Variants in MSH3 observed in about 807,000 individuals in gnomAD.
MSH3 encodes DNA mismatch repair protein Msh3.
A neutral mutation model predicts 123.3 loss-of-function variants in MSH3; 106 were observed. The ratio of observed to expected loss-of-function variants is 0.86; its 90% CI spans 0.73 to 1.01. The LOEUF (loss-of-function observed/expected upper bound fraction) is 1.01, where lower values mean the gene tolerates loss of function less well. MSH3 is among the 50% of genes least tolerant of loss of function. The pLI is 0.00. For missense variants in MSH3, 1,459 were observed against 1,347.6 expected, an observed-to-expected ratio of 1.08 and a Z score of -1.29; for synonymous variants, 515 against 481.4, an observed-to-expected ratio of 1.07 and a Z score of -0.91.
chr5:80,748,487 G>GT, intron 12 of MSH3, among the ~76,000 whole-genome samples: 1 of 152,132 alleles, frequency 6.6e-6, no homozygotes, highest in East Asian at 1.9e-4. Flanking sequence ...TTTTTCTTAT[G>GT]TGTTCTCACC....
intron 20 of MSH3, among the ~76,000 whole-genome samples, chr5:80,849,341 G>A (rs186374758): frequency 7.2e-5 from 11 of 152,256 alleles, no homozygotes; most frequent in African/African-American, 2.2e-4. Flanking sequence ...CTGGAGGACT[G>A]TGGCCTTCTT....
At chr5:80,761,802 CGA>C in intron 13 of MSH3, 124 bp downstream of exon 13, 1 of 1,047,372 alleles carries the variant, frequency 9.5e-7, no homozygotes, top group South Asian at 1.4e-5. Context: ...AAATAGCATG[CGA>C]GAGTAGCTGA....
chr5:80,860,447 T>TG (rs750047605), intron 21 of MSH3, among the ~76,000 whole-genome samples: 73 of 151,534 alleles, frequency 4.8e-4, no homozygotes, highest in Non-Finnish European at 8.7e-4. Flanking sequence ...TTTGTTGTTT[T>TG]TTTTTTTTTT....
Position 80,866,823 on chromosome 5 carries a change from C to T in MSH3, c.3130+1881C>T, listed in dbSNP as rs200664763. Among the ~76,000 whole-genome samples the T allele has an allele frequency of 2.2e-4, 33 of 152,254 alleles. No homozygotes were observed. The East Asian group carries it at 6.0e-3, about 28-fold the overall frequency. On this transcript the variant is annotated intron_variant, in intron 22 of 23. Transcript: ENST00000265081. ...ACAAGTACATTTCTTTCTTTTACAA[C>T]GTTTTCTATTTTCTCAAAAATAAGA...
At chr5:80,707,709 G>A (rs575315428) in intron 8 of MSH3, among the ~76,000 whole-genome samples, 2 of 152,308 alleles carry the variant, frequency 1.3e-5, no homozygotes, top group South Asian at 2.1e-4. Flanking sequence ...TCCAGCCTGG[G>A]TGACAGAACA....
At chr5:80,668,029 T>C (rs1000682033) in intron 3 of MSH3, among the ~76,000 whole-genome samples, 5 of 152,166 alleles carry the variant, frequency 3.3e-5, no homozygotes, top group Non-Finnish European at 7.3e-5. Flanking sequence ...AGGGGCTTCC[T>C]TGAGTGACAG....
At position 80,743,681 on chromosome 5, in the gene MSH3, A is replaced by G. The variant is rs1415828030; in HGVS notation, c.1654-825A>G. ...AACACGGTGAAACCCCGTCTCTACT[A>G]AAAATACAAAAAATTAGCCGGGCGT... On this transcript the variant is annotated intron_variant, in intron 11 of 23. Coordinates refer to ENST00000265081, the MANE Select transcript of MSH3 (RefSeq NM_002439.5). 4.3e-5 allele frequency among the ~76,000 whole-genome samples: 2 copies of G among 46,012 alleles called. 1 individual carries two copies. Among genetic ancestry groups the G allele is most frequent in the African/African-American group, 1.7e-4 (2 of 11,768 alleles). The allele number at this position is 46,012 out of a possible 152,430, so 30.2% of individuals were successfully genotyped here. A position where few individuals can be genotyped will look rare whatever the true frequency, so the allele number is the denominator to read the frequency against.
At chr5:80,707,765 A>C (rs991862812) in intron 8 of MSH3, among the ~76,000 whole-genome samples, 70 of 152,170 alleles carry the variant, frequency 4.6e-4, no homozygotes, top group African/African-American at 1.6e-3. Flanking sequence ...CAGCTGAAGT[A>C]GGTTTTGGAG....
intron 3 of MSH3, among the ~76,000 whole-genome samples, chr5:80,669,890 T>C (rs948249377): frequency 5.3e-5 from 8 of 152,204 alleles, no homozygotes; most frequent in Non-Finnish European, 7.3e-5. Context: ...TATGATAGCT[T>C]ACTTGGTTCA....
chr5:80,657,652 A>G (rs80106548), intron 2 of MSH3, among the ~76,000 whole-genome samples: 13 of 81,924 alleles, frequency 1.6e-4, no homozygotes, highest in Non-Finnish European at 3.6e-4. Context: ...AGAGAATGAG[A>G]AAAAAAAAAA....
intron 8 of MSH3, among the ~76,000 whole-genome samples, chr5:80,712,737 C>T (rs1464232754): frequency 6.7e-6 from 1 of 149,636 alleles, no homozygotes; most frequent in Admixed American, 6.7e-5. Flanking sequence ...TTTAAATAAT[C>T]TTTCACGATG....
intron 20 of MSH3, among the ~76,000 whole-genome samples, chr5:80,820,804 C>A (rs78881621): frequency 1.8e-3 from 273 of 152,332 alleles, no homozygotes; most frequent in African/African-American, 6.2e-3. Flanking sequence ...CAGGAAAGAG[C>A]AAAAGTTCCA....
At chr5:80,719,351 A>T (rs1433650611) in intron 8 of MSH3, among the ~76,000 whole-genome samples, 1 of 152,112 alleles carries the variant, frequency 6.6e-6, no homozygotes, top group Non-Finnish European at 1.5e-5. Flanking sequence ...CGGCCAGGAA[A>T]TGGTATTTCT....
intron 8 of MSH3, among the ~76,000 whole-genome samples, chr5:80,689,721 T>G (rs1480583858): frequency 1.3e-5 from 2 of 152,006 alleles, no homozygotes; most frequent in Admixed American, 6.5e-5. Context: ...AGTTCTTTTT[T>G]TTTTTTTTTG....
intron 8 of MSH3, among the ~76,000 whole-genome samples, chr5:80,713,793 A>T (rs1008970944): frequency 4.3e-5 from 3 of 69,560 alleles, no homozygotes; most frequent in African/African-American, 2.2e-4. Context: ...GTCGCCTGCT[A>T]TTCTTAAGTC....
chr5:80,654,948 A>G lies in MSH3; in HGVS notation c.221A>G (p.Gln74Arg), dbSNP rs1440495979. 1 of 1,470,220 alleles carries G rather than the reference A, an allele frequency of 6.8e-7. No individual in the cohort carries two copies. Among genetic ancestry groups the G allele is most frequent in the Non-Finnish European group, 9.0e-7 (1 of 1,114,114 alleles). 91.1% of individuals were successfully genotyped at this position (1,470,220 alleles called of 1,614,324 possible). ...CCCCCAGCTCCCGCCTTCCCGCCCC[A>G]GCTGCCGCCGCACATAGTAGGTTCT... ...PAPPAPAFPP[Q>R]LPPHIATEID... Residue 74 changes from glutamine (Q) to arginine (R), a missense_variant, in exon 1 of 24, where the codon CAG (glutamine) becomes CGG (arginine). By Grantham distance (43) the Gln-to-Arg change is conservative (BLOSUM62 1). Coordinates refer to ENST00000265081, the MANE Select transcript of MSH3 (RefSeq NM_002439.5).
intron 20 of MSH3, among the ~76,000 whole-genome samples, chr5:80,823,557 T>G (rs1341618770): frequency 6.6e-6 from 1 of 152,212 alleles, no homozygotes; most frequent in Middle Eastern, 3.2e-3. Context: ...ACAAGATTCA[T>G]GTATTTAATT....
chr5:80,664,527 G>A (rs1580546177), intron 2 of MSH3, among the ~76,000 whole-genome samples: 1 of 152,158 alleles, frequency 6.6e-6, no homozygotes, highest in African/African-American at 2.4e-5. Flanking sequence ...AACTGTGCTT[G>A]TTTTGCCTTT....
At chr5:80,727,935 A>G (rs6151731) in intron 9 of MSH3, among the ~76,000 whole-genome samples, 1 of 152,118 alleles carries the variant, frequency 6.6e-6, no homozygotes, top group Admixed American at 6.5e-5. Context: ...CCATATAGAC[A>G]TATGAAGGAA....
Sources: gnomAD v4.1 joint callset for allele counts (sites outside exome capture counted in the v4.1 genomes callset) on GRCh38, gnomAD v4.1.1 for gene constraint, MANE v1.5 for transcripts, NCBI Gene and HGNC (gene_info 2026-07-23, HGNC 2026-07-21) for gene names.